CDKL5: variants seen among roughly 807,000 people sequenced by gnomAD.
CDKL5 encodes the protein cyclin-dependent kinase-like 5.
A neutral mutation model predicts 61.7 loss-of-function variants in CDKL5; 8 were observed. The ratio of observed to expected loss-of-function variants is 0.13; its 90% CI spans 0.08 to 0.23. The LOEUF is 0.23. Ranked by LOEUF, CDKL5 falls within the 10% of genes least tolerant of loss-of-function variation. The pLI is 1.00. For synonymous variants in CDKL5, 275 were observed against 272.3 expected (o/e 1.01, Z -0.10); for missense variants, 440 against 734.5 (o/e 0.60, Z 4.63).
intron 6 of CDKL5, among the ~76,000 whole-genome samples, chrX:18,580,865 G>A (rs1925456802): frequency 8.9e-6 from 1 of 111,801 alleles, no homozygotes; most frequent in Admixed American, 9.5e-5. Flanking sequence ...GTCATATGAA[G>A]AATGCCATCG....
intron 1 of CDKL5, among the ~76,000 whole-genome samples, chrX:18,493,709 C>A (rs1372659142): frequency 9.0e-6 from 1 of 111,146 alleles, no homozygotes; most frequent in Non-Finnish European, 1.9e-5. Context: ...CATTTTCTGA[C>A]CCACATCAAT....
intron 5 of CDKL5, 109 bp downstream of exon 5, chrX:18,575,599 C>G (rs900877224): frequency 1.4e-4 from 99 of 708,816 alleles, no homozygotes; most frequent in Non-Finnish European, 1.8e-5. Context: ...TCAATGTACT[C>G]ATAATCTGAG....
chrX:18,591,208 T>C (rs1925817849), intron 9 of CDKL5, among the ~76,000 whole-genome samples: 1 of 111,961 alleles, frequency 8.9e-6, no homozygotes, highest in Non-Finnish European at 1.9e-5. Context: ...TATGGAATTA[T>C]TTTGTCTGTT....
intron 3 of CDKL5, among the ~76,000 whole-genome samples, chrX:18,550,354 A>G (rs1303517416): frequency 9.0e-6 from 1 of 111,650 alleles, no homozygotes; most frequent in Admixed American, 9.5e-5. Flanking sequence ...CCATACCCAC[A>G]GCTGCCATCT....
At chrX:18,439,036 C>T (rs896476881) in intron 1 of CDKL5, among the ~76,000 whole-genome samples, 6 of 26,263 alleles carry the variant, frequency 2.3e-4, no homozygotes, top group African/African-American at 6.0e-4. Context: ...ATCAAAGGTG[C>T]CCCTTTTTGC....
chrX:18,440,578 A>G (rs781078717), intron 1 of CDKL5, among the ~76,000 whole-genome samples: 6 of 111,677 alleles, frequency 5.4e-5, no homozygotes, highest in Admixed American at 9.6e-5. Context: ...GGTTCAAGCA[A>G]TTCTCCTGCC....
At chrX:18,622,808 A>G (rs1396098795) in intron 16 of CDKL5, among the ~76,000 whole-genome samples, 2 of 111,655 alleles carry the variant, frequency 1.8e-5, no homozygotes, top group Non-Finnish European at 3.8e-5. Context: ...AATTCATACC[A>G]TGGACCCGCC....
Position 18,587,972 on chromosome X carries a change from C to A in CDKL5, c.573C>A (p.Ser191=). The change falls in exon 9 of 18, where the codon TCC becomes TCA. Residue 191 remains serine, a synonymous_variant. Transcript: ENST00000623535. Reference sequence around the variant, plus strand: ...TTTTCAGCGCTCCCTATGGAAAGTCCGTGGACATGTGGTCGGTGGGCTGTA... The same window carrying A: ...TTTTCAGCGCTCCCTATGGAAAGTCAGTGGACATGTGGTCGGTGGGCTGTA... ...ELLLGAPYGK[S]VDMWSVGCIL... is the part of the protein sequence containing the mutation. 8.3e-7 allele frequency: 1 copy of A among 1,210,223 alleles called. No individual in the cohort carries two copies. Among genetic ancestry groups the A allele is most frequent in the Non-Finnish European group, 1.1e-6 (1 of 894,260 alleles).
intron 3 of CDKL5, among the ~76,000 whole-genome samples, chrX:18,554,712 G>A (rs971417770): frequency 3.6e-5 from 4 of 111,011 alleles, no homozygotes; most frequent in African/African-American, 1.3e-4. Context: ...CACTGCGCCT[G>A]GCCATTTCAC....
intron 1 of CDKL5, among the ~76,000 whole-genome samples, chrX:18,479,318 T>C (rs1298294862): frequency 6.5e-5 from 6 of 92,056 alleles, no homozygotes; most frequent in Admixed American, 3.5e-4. Flanking sequence ...CTATTTCTTT[T>C]TTTTTTTTTT....
intron 17 of CDKL5, chrX:18,626,921 T>A (rs1435405678): frequency 1.9e-5 from 2 of 107,905 alleles, no homozygotes; most frequent in Non-Finnish European, 3.8e-5. Flanking sequence ...GCCAGTTTTT[T>A]AATTTTTTTA....
chrX:18,471,756 T>G (rs1164917870), intron 1 of CDKL5, among the ~76,000 whole-genome samples: 4 of 111,582 alleles, frequency 3.6e-5, no homozygotes, highest in Admixed American at 9.6e-5. Context: ...TATTGTTTTT[T>G]TGAGGCGGAG....
intron 17 of CDKL5, chrX:18,626,839 C>T (rs1465001407): frequency 9.8e-6 from 1 of 102,143 alleles, no homozygotes; most frequent in Non-Finnish European, 2.0e-5. Flanking sequence ...GCCTTGACCT[C>T]CTGGGCTCAA....
At chrX:18,485,691 T>C (rs1210788738) in intron 1 of CDKL5, among the ~76,000 whole-genome samples, 1 of 111,751 alleles carries the variant, frequency 8.9e-6, no homozygotes, top group East Asian at 2.8e-4. Context: ...GGGTTGGTCA[T>C]TTCAAGGTTA....
intron 2 of CDKL5, among the ~76,000 whole-genome samples, chrX:18,509,630 G>C (rs752647456): frequency 3.6e-4 from 40 of 111,578 alleles, no homozygotes; most frequent in African/African-American, 1.2e-3. Context: ...TTTAACCTCA[G>C]TTTCCTGAGT....
chrX:18,537,997 C>G (rs1486642479), intron 3 of CDKL5, among the ~76,000 whole-genome samples: 1 of 111,943 alleles, frequency 8.9e-6, no homozygotes, highest in Non-Finnish European at 1.9e-5. Context: ...GAATGTAATG[C>G]TTTGTAAGAA....
chrX:18,562,948 A>T (rs1924852729), intron 3 of CDKL5, among the ~76,000 whole-genome samples: 1 of 112,473 alleles, frequency 8.9e-6, no homozygotes, highest in Non-Finnish European at 1.9e-5. Flanking sequence ...TAAATGTGCC[A>T]GTTACAAATT....
chrX:18,539,178 G>A (rs1226900983), intron 3 of CDKL5, among the ~76,000 whole-genome samples: 1 of 111,416 alleles, frequency 9.0e-6, no homozygotes, highest in Non-Finnish European at 1.9e-5. Context: ...TGTGGAATCA[G>A]CCTTTTGCCT....
intron 1 of CDKL5, among the ~76,000 whole-genome samples, chrX:18,455,545 TGAG>T (rs993619877): frequency 3.6e-5 from 4 of 112,675 alleles, no homozygotes; most frequent in African/African-American, 1.3e-4. Flanking sequence ...CCAGAGGTAA[TGAG>T]GAGTTTGATG....
Sources: allele counts gnomAD v4.1 joint callset (sites outside exome capture counted in the v4.1 genomes callset), GRCh38; gene constraint gnomAD v4.1.1; transcripts MANE v1.5; gene names NCBI Gene and HGNC (gene_info 2026-07-23, HGNC 2026-07-21).